Variants in ASCC1 observed in about 807,000 individuals in gnomAD.
ASCC1 encodes the protein ASC-1 complex subunit P50.
A neutral mutation model predicts 46.6 loss-of-function variants in ASCC1; 35 were observed. The ratio of observed to expected loss-of-function variants is 0.75; its 90% confidence interval spans 0.57 to 0.99. The LOEUF is 0.99. Ranked by LOEUF, ASCC1 falls within the 50% of genes least tolerant of loss-of-function variation. The probability of loss-of-function intolerance (pLI) is 0.00; values close to 1 mark genes in which losing one functional copy is unlikely to be tolerated. For synonymous variants in ASCC1, 143 were observed against 146.6 expected (o/e 0.98, Z 0.18); for missense variants, 376 against 428.7 (o/e 0.88, Z 1.09).
chr10:72,148,019 T>C (rs1008891449), intron 7 of ASCC1, among the ~76,000 whole-genome samples: 2 of 152,234 alleles, frequency 1.3e-5, no homozygotes, highest in Non-Finnish European at 2.9e-5. Flanking sequence ...TTTGCACTAA[T>C]GGTGCAAAAG....
At chr10:72,169,541 A>C (rs1850792132) in intron 5 of ASCC1, among the ~76,000 whole-genome samples, 1 of 151,874 alleles carries the variant, frequency 6.6e-6, no homozygotes, top group Admixed American at 6.6e-5. Flanking sequence ...TTATTTTTAC[A>C]AAAAAAACAC....
chr10:72,138,518 C>G (rs1029898045), intron 7 of ASCC1, among the ~76,000 whole-genome samples: 4 of 151,732 alleles, frequency 2.6e-5, no homozygotes, highest in African/African-American at 7.3e-5. Context: ...TGCAGAGAGG[C>G]TGGGTTGCTC....
At chr10:72,124,756 G>C (rs930403293) in intron 9 of ASCC1, among the ~76,000 whole-genome samples, 1 of 121,798 alleles carries the variant, frequency 8.2e-6, no homozygotes, top group Admixed American at 9.2e-5. Context: ...CTATCTCTTA[G>C]ATTAGAAATG....
chr10:72,186,235 C>T (rs1453305115), intron 5 of ASCC1, among the ~76,000 whole-genome samples: 1 of 151,886 alleles, frequency 6.6e-6, no homozygotes, highest in East Asian at 1.9e-4. Context: ...TTAAGCTATC[C>T]TCCCTGACTC....
intron 9 of ASCC1, among the ~76,000 whole-genome samples, chr10:72,123,691 T>C (rs891606279): frequency 6.6e-6 from 1 of 152,218 alleles, no homozygotes; most frequent in Non-Finnish European, 1.5e-5. Flanking sequence ...GAATTTATCT[T>C]TTCAACACTC....
chr10:72,105,220 G>A (rs1349713288), intron 9 of ASCC1, among the ~76,000 whole-genome samples: 4 of 152,202 alleles, frequency 2.6e-5, no homozygotes, highest in Non-Finnish European at 4.4e-5. Context: ...ACGAGGCAAG[G>A]GTACCACTGA....
intron 7 of ASCC1, among the ~76,000 whole-genome samples, chr10:72,138,485 T>C (rs943089730): frequency 6.6e-6 from 1 of 152,124 alleles, no homozygotes; most frequent in East Asian, 1.9e-4. Flanking sequence ...TGTAACCTGC[T>C]CTTTTTACAC....
rs555920841 is a variant in ASCC1, at chr10:72,160,204, A to G, written c.626+1334T>C. On this transcript the variant is annotated intron_variant, in intron 6 of 9. Transcript: ENST00000672957. ...CAGGTGTGAGCCACTGTTCTTGGCT[A>G]AACAGTTTCATATACAACATAACTA... Among the ~76,000 whole-genome samples, 6 of 152,170 alleles carry G rather than the reference A, an allele frequency of 3.9e-5. No homozygotes were observed. The South Asian group carries it at 1.0e-3, about 26-fold the overall frequency.
At chr10:72,103,194 G>A (rs536644613) in intron 9 of ASCC1, among the ~76,000 whole-genome samples, 37 of 150,994 alleles carry the variant, frequency 2.5e-4, no homozygotes, top group African/African-American at 8.1e-4. Flanking sequence ...GTGCAGTGGC[G>A]CGATCTCAGC....
chr10:72,107,422 G>T (rs1251129411), intron 9 of ASCC1, among the ~76,000 whole-genome samples: 1 of 151,814 alleles, frequency 6.6e-6, no homozygotes, highest in African/African-American at 2.4e-5. Context: ...TGGGCCACCT[G>T]TGAGATTACT....
chr10:72,206,109 C>A (rs11000219), intron 3 of ASCC1, among the ~76,000 whole-genome samples: 19,896 of 108,966 alleles, frequency 0.18, 3,869 homozygotes, highest in African/African-American at 0.5. Context: ...GTCTCAAAAA[C>A]AAAAAAAAAA....
At chr10:72,111,641 A>G (rs1042691312) in intron 9 of ASCC1, among the ~76,000 whole-genome samples, 14 of 152,034 alleles carry the variant, frequency 9.2e-5, no homozygotes, top group Admixed American at 7.2e-4. Flanking sequence ...TATGGGGAAG[A>G]CAGCATCTTT....
chr10:72,164,811 T>C (rs1004982100), intron 5 of ASCC1, among the ~76,000 whole-genome samples: 21 of 152,232 alleles, frequency 1.4e-4, no homozygotes, highest in African/African-American at 4.8e-4. Flanking sequence ...AAAAAAATGA[T>C]AGCGATCCTT....
intron 5 of ASCC1, among the ~76,000 whole-genome samples, chr10:72,185,069 G>A (rs1249164473): frequency 6.6e-6 from 1 of 152,088 alleles, no homozygotes; most frequent in African/African-American, 2.4e-5. Flanking sequence ...ACCACAATGA[G>A]CTACCATGAT....
intron 5 of ASCC1, among the ~76,000 whole-genome samples, chr10:72,176,387 G>C (rs1228406888): frequency 6.6e-6 from 1 of 152,066 alleles, no homozygotes; most frequent in African/African-American, 2.4e-5. Context: ...CTGTCACCCA[G>C]GCTAGAGTGC....
intron 4 of ASCC1, among the ~76,000 whole-genome samples, chr10:72,201,424 C>CT (rs1856476958): frequency 6.6e-6 from 1 of 152,208 alleles, no homozygotes; most frequent in South Asian, 2.1e-4. Context: ...CGCAGTGACT[C>CT]TTGTCTATAA....
intron 5 of ASCC1, among the ~76,000 whole-genome samples, chr10:72,182,974 C>T (rs1404971409): frequency 6.8e-6 from 1 of 148,148 alleles, no homozygotes; most frequent in Non-Finnish European, 1.5e-5. Context: ...TATCTTTATA[C>T]AAATTTTTCT....
chr10:72,180,087 G>A (rs905098611), intron 5 of ASCC1, among the ~76,000 whole-genome samples: 13 of 151,746 alleles, frequency 8.6e-5, no homozygotes, highest in African/African-American at 3.2e-4. Context: ...AACCAGCCTG[G>A]CCAACATGGT....
At position 72,193,879 on chromosome 10, in the gene ASCC1, G is replaced by C. The variant is rs1405651193; in HGVS notation, c.489+2932C>G. ...TTTTTTGAGACATCACTGTCGCCCA[G>C]GTTGGAGCGCAGTGGTGCGATCTCT... On this transcript the variant is annotated intron_variant, in intron 5 of 9. Coordinates refer to ENST00000672957, the MANE Select transcript of ASCC1 (RefSeq NM_001198800.3). Among the ~76,000 whole-genome samples the C allele has an allele frequency of 6.7e-5, 10 of 148,812 alleles. No homozygotes were observed. The East Asian group carries it at 2.0e-3, about 29-fold the overall frequency.
Sources: gnomAD v4.1 joint callset for allele counts (sites outside exome capture counted in the v4.1 genomes callset) on GRCh38, gnomAD v4.1.1 for gene constraint, MANE v1.5 for transcripts, NCBI Gene and HGNC (gene_info 2026-07-23, HGNC 2026-07-21) for gene names.